The following RBFOX1 variants were observed in gnomAD, a reference collection of about 807,000 sequenced individuals.
RBFOX1 encodes the protein RNA binding protein fox-1 homolog 1.
RBFOX1 carries 8 observed loss-of-function variants against 57.7 expected under a neutral mutation model. That is an observed-to-expected ratio of 0.14 (90% confidence interval 0.08 to 0.25). RBFOX1 has a LOEUF of 0.25. Among genes scored for constraint, RBFOX1 ranks in the 10% least tolerant of loss-of-function variants. The probability of loss-of-function intolerance (pLI) is 1.00; values close to 1 mark genes in which losing one functional copy is unlikely to be tolerated. For missense variants in RBFOX1, 611 were observed against 548.5 expected (o/e 1.11, Z -1.14); for synonymous variants, 326 against 222.4 (o/e 1.47, Z -4.15).
intron 4 of RBFOX1, among the ~76,000 whole-genome samples, chr16:7,159,310 A>G (rs12929083): frequency 0.45 from 67,843 of 151,900 alleles, 15,449 homozygotes; most frequent in Admixed American, 0.54. Flanking sequence ...TCACTGCGTC[A>G]TGCCTATCCC....
intron 4 of RBFOX1, among the ~76,000 whole-genome samples, chr16:7,403,431 A>G (rs952380519): frequency 2.0e-4 from 31 of 152,082 alleles, no homozygotes; most frequent in Admixed American, 1.8e-3. Context: ...CTGTCTGTCT[A>G]TTCCTACGAA....
chr16:6,175,480 G>T (rs1289047706), intron 1 of RBFOX1, among the ~76,000 whole-genome samples: 1 of 152,058 alleles, frequency 6.6e-6, no homozygotes, highest in Non-Finnish European at 1.5e-5. Context: ...AGATGTGTTT[G>T]ACCACCCGGT....
At chr16:5,252,670 C>T (rs1811510193) in intron 1 of RBFOX1, among the ~76,000 whole-genome samples, 1 of 152,214 alleles carries the variant, frequency 6.6e-6, no homozygotes, top group African/African-American at 2.4e-5. Flanking sequence ...GACTTCCCTG[C>T]CATCTCTCTC....
At chr16:5,819,647 T>C (rs1486843007) in intron 3 of RBFOX1, among the ~76,000 whole-genome samples, 3 of 152,232 alleles carry the variant, frequency 2.0e-5, no homozygotes, top group African/African-American at 7.2e-5. Flanking sequence ...ACATTTCCTA[T>C]CCAAGTTGTG....
intron 2 of RBFOX1, among the ~76,000 whole-genome samples, chr16:5,505,520 C>T (rs990446040): frequency 6.6e-6 from 1 of 152,106 alleles, no homozygotes; most frequent in Non-Finnish European, 1.5e-5. Context: ...AGAGTCCCAC[C>T]AGAAGCCCTG....
chr16:6,008,752 C>G (rs1160074688), intron 4 of RBFOX1, among the ~76,000 whole-genome samples: 1 of 152,172 alleles, frequency 6.6e-6, no homozygotes, highest in Non-Finnish European at 1.5e-5. Flanking sequence ...CAGATAAGTA[C>G]CTACGTTTTG....
At chr16:7,051,882 A>T (rs2050207522) in intron 3 of RBFOX1, among the ~76,000 whole-genome samples, 175 bp from the exon 4 acceptor site, 1 of 152,198 alleles carries the variant, frequency 6.6e-6, no homozygotes, top group Non-Finnish European at 1.5e-5. Flanking sequence ...TGAATCACAC[A>T]ATTGAACTCC....
intron 2 of RBFOX1, among the ~76,000 whole-genome samples, chr16:6,485,348 ACC>A (rs1009715076): frequency 1.3e-5 from 2 of 149,312 alleles, no homozygotes; most frequent in Non-Finnish European, 3.0e-5. Flanking sequence ...TCCCTCTCTT[ACC>A]CCTCTTCTCT....
At chr16:6,090,356 T>C (rs1187493910) in intron 1 of RBFOX1, among the ~76,000 whole-genome samples, 1 of 152,216 alleles carries the variant, frequency 6.6e-6, no homozygotes, top group Non-Finnish European at 1.5e-5. Context: ...TATCATGACA[T>C]GCACATCTTT....
At chr16:6,506,506 C>T (rs532296186) in intron 2 of RBFOX1, among the ~76,000 whole-genome samples, 4 of 152,036 alleles carry the variant, frequency 2.6e-5, no homozygotes, top group African/African-American at 9.6e-5. Flanking sequence ...AAAGATGCGT[C>T]AGGGTTAAGT....
chr16:6,747,239 T>G, intron 3 of RBFOX1, among the ~76,000 whole-genome samples: 1 of 152,044 alleles, frequency 6.6e-6, no homozygotes, highest in Admixed American at 6.6e-5. Context: ...GAAAACCCCG[T>G]CTCTACTAAA....
chr16:5,560,888 G>C (rs147384614), intron 2 of RBFOX1, among the ~76,000 whole-genome samples: 27 of 152,306 alleles, frequency 1.8e-4, no homozygotes, highest in African/African-American at 6.5e-4. Flanking sequence ...TGGTGCCTAG[G>C]TCCTGCTGTG....
chr16:6,858,552 G>A (rs887979058), intron 3 of RBFOX1, among the ~76,000 whole-genome samples: 1 of 152,036 alleles, frequency 6.6e-6, no homozygotes, highest in African/African-American at 2.4e-5. Context: ...AGAATCGTAC[G>A]GTTACAGCTC....
intron 4 of RBFOX1, among the ~76,000 whole-genome samples, chr16:7,150,598 G>A: frequency 6.6e-6 from 1 of 152,146 alleles, no homozygotes; most frequent in East Asian, 1.9e-4. Context: ...TCACTTTCAG[G>A]ATATTTTCTT....
chr16:5,390,303 T>C (rs1268128310), intron 1 of RBFOX1, among the ~76,000 whole-genome samples: 2 of 150,870 alleles, frequency 1.3e-5, no homozygotes, highest in Non-Finnish European at 3.0e-5. Flanking sequence ...TTTTTTTTTT[T>C]TTTTAAAGAC....
At chr16:7,198,885 T>C (rs2087508287) in intron 4 of RBFOX1, among the ~76,000 whole-genome samples, 1 of 152,196 alleles carries the variant, frequency 6.6e-6, no homozygotes, top group African/African-American at 2.4e-5. Flanking sequence ...ATAGTGTTGG[T>C]TCCCAGGCAA....
At chr16:5,665,091 G>A (rs1166810373) in intron 3 of RBFOX1, among the ~76,000 whole-genome samples, 1 of 145,876 alleles carries the variant, frequency 6.9e-6, no homozygotes, top group Non-Finnish European at 1.5e-5. Context: ...GACCACAGGT[G>A]TGCACCACCA....
intron 1 of RBFOX1, among the ~76,000 whole-genome samples, chr16:6,199,719 T>C (rs1040520762): frequency 1.6e-4 from 25 of 152,102 alleles, no homozygotes; most frequent in Non-Finnish European, 2.1e-4. Context: ...AGCAGATGAG[T>C]TTTATCTGTG....
At chr16:7,677,713 C>A (rs1376204708) in intron 14 of RBFOX1, among the ~76,000 whole-genome samples, 1 of 152,134 alleles carries the variant, frequency 6.6e-6, no homozygotes, top group Non-Finnish European at 1.5e-5. Flanking sequence ...GCACAAATGT[C>A]ATTGAGGGTG....
Sources: gnomAD v4.1 joint callset for allele counts (sites outside exome capture counted in the v4.1 genomes callset) on GRCh38, gnomAD v4.1.1 for gene constraint, MANE v1.5 for transcripts, NCBI Gene and HGNC (gene_info 2026-07-23, HGNC 2026-07-21) for gene names.